The following EPHA5 variants were observed in gnomAD, a reference collection of about 807,000 sequenced individuals.
The protein encoded by EPHA5 is ephrin type-A receptor 5.
Under a neutral mutation model 105.0 loss-of-function variants are expected in EPHA5, and 60 were observed. The ratio of observed to expected loss-of-function variants is 0.57; its 90% CI spans 0.46 to 0.71. EPHA5 has a LOEUF of 0.71. Ranked by LOEUF, EPHA5 falls within the 30% of genes least tolerant of loss-of-function variation. EPHA5 has a pLI of 0.00. For missense variants in EPHA5, 1,218 were observed against 1,274.7 expected, an observed-to-expected ratio of 0.96 and a Z score of 0.68; for synonymous variants, 513 against 449.1, an observed-to-expected ratio of 1.14 and a Z score of -1.80.
intron 5 of EPHA5, among the ~76,000 whole-genome samples, chr4:65,482,650 A>G (rs1346108897): frequency 6.6e-6 from 1 of 152,148 alleles, no homozygotes; most frequent in East Asian, 1.9e-4. Flanking sequence ...GAAGAAAAAA[A>G]TCTAAATTTA....
chr4:65,373,351 G>T (rs1401635372), intron 8 of EPHA5, among the ~76,000 whole-genome samples: 1 of 151,822 alleles, frequency 6.6e-6, no homozygotes, highest in Non-Finnish European at 1.5e-5. Context: ...ATTACAAAGG[G>T]ATGGCTTTAT....
intron 8 of EPHA5, among the ~76,000 whole-genome samples, chr4:65,401,236 GT>G (rs1182005611): frequency 5.3e-5 from 8 of 151,926 alleles, no homozygotes; most frequent in Admixed American, 4.6e-4. Flanking sequence ...TCTTCATTTA[GT>G]TTTCCATTTA....
chr4:65,532,620 C>A (rs561017309), intron 3 of EPHA5, among the ~76,000 whole-genome samples: 49 of 111,500 alleles, frequency 4.4e-4, no homozygotes, highest in Admixed American at 7.9e-4. Context: ...TTTTTTTTTA[C>A]TTTCAACTCC....
chr4:65,574,731 C>CAT (rs201831887), intron 3 of EPHA5, among the ~76,000 whole-genome samples: 2 of 85,600 alleles, frequency 2.3e-5, no homozygotes, highest in Admixed American at 1.4e-4. Flanking sequence ...CATATATATA[C>CAT]ATATATATAT....
At chr4:65,378,919 T>C (rs1162548985) in intron 8 of EPHA5, among the ~76,000 whole-genome samples, 2 of 151,994 alleles carry the variant, frequency 1.3e-5, no homozygotes, top group Middle Eastern at 3.4e-3. Context: ...GTAGAAAGCC[T>C]GCAGATATGG....
At chr4:65,352,684 G>T (rs1466595324) in intron 12 of EPHA5, among the ~76,000 whole-genome samples, 2 of 151,796 alleles carry the variant, frequency 1.3e-5, no homozygotes, top group African/African-American at 4.8e-5. Flanking sequence ...TACACTAAGA[G>T]AAAATCGAAC....
intron 1 of EPHA5, among the ~76,000 whole-genome samples, chr4:65,655,629 A>G (rs986616768): frequency 6.6e-6 from 1 of 152,174 alleles, no homozygotes; most frequent in Non-Finnish European, 1.5e-5. Context: ...GTTCTAAGCA[A>G]GGGTTCTTTA....
At chr4:65,340,931 AT>A (rs1721650877) in intron 14 of EPHA5, among the ~76,000 whole-genome samples, 2 of 152,096 alleles carry the variant, frequency 1.3e-5, no homozygotes, top group South Asian at 4.1e-4. Context: ...GGCAAGGATA[AT>A]AAGACTCCTT....
At chr4:65,378,984 T>C (rs1009861511) in intron 8 of EPHA5, among the ~76,000 whole-genome samples, 2 of 151,980 alleles carry the variant, frequency 1.3e-5, no homozygotes, top group African/African-American at 4.8e-5. Context: ...TTACTGGTTG[T>C]TAACAAATGT....
intron 16 of EPHA5, chr4:65,331,209 T>A: frequency 2.9e-6 from 3 of 1,031,310 alleles, no homozygotes; most frequent in Non-Finnish European, 3.5e-6. Context: ...GTTAATGTAA[T>A]CTAGATGGAA....
chr4:65,481,093 A>C (rs1357746549), intron 5 of EPHA5, among the ~76,000 whole-genome samples: 1 of 152,144 alleles, frequency 6.6e-6, no homozygotes, highest in African/African-American at 2.4e-5. Context: ...TGGTGACTCA[A>C]ATTCCACCAT....
At chr4:65,543,251 G>A (rs1415136183) in intron 3 of EPHA5, among the ~76,000 whole-genome samples, 3 of 152,042 alleles carry the variant, frequency 2.0e-5, no homozygotes, top group Middle Eastern at 3.4e-3. Context: ...GAAATAAAGT[G>A]TATTCAGACA....
chr4:65,573,490 C>G, intron 3 of EPHA5: 1 of 1,539,418 alleles, frequency 6.5e-7, no homozygotes, highest in Non-Finnish European at 8.7e-7. Context: ...AAGCCAGATA[C>G]TAAAGAGAAG....
intron 3 of EPHA5, among the ~76,000 whole-genome samples, chr4:65,596,959 T>A (rs1743253941): frequency 6.6e-6 from 1 of 152,182 alleles, no homozygotes; most frequent in Admixed American, 6.5e-5. Flanking sequence ...ATCATAAATA[T>A]GCACCAGAAG....
At chr4:65,475,115 T>C (rs1729664435) in intron 5 of EPHA5, among the ~76,000 whole-genome samples, 1 of 152,180 alleles carries the variant, frequency 6.6e-6, no homozygotes, top group African/African-American at 2.4e-5. Context: ...TTGATGCTAT[T>C]ACTATTGAGT....
At chr4:65,639,348 G>A (rs913734340) in intron 2 of EPHA5, among the ~76,000 whole-genome samples, 2 of 152,190 alleles carry the variant, frequency 1.3e-5, no homozygotes, top group Admixed American at 6.5e-5. Context: ...TTGAAAGGCA[G>A]TTTTCCTGGA....
chr4:65,489,420 G>A (rs1731198280), intron 5 of EPHA5, among the ~76,000 whole-genome samples: 1 of 152,154 alleles, frequency 6.6e-6, no homozygotes, highest in Non-Finnish European at 1.5e-5. Flanking sequence ...TGGCAAGGAT[G>A]TGCTCAGTGA....
chr4:65,338,928 G>A (rs1051606145), intron 14 of EPHA5, among the ~76,000 whole-genome samples: 6 of 151,996 alleles, frequency 3.9e-5, no homozygotes, highest in South Asian at 2.1e-4. Flanking sequence ...TTATAATCTC[G>A]ATGGACTTTC....
At chr4:65,530,767 T>C (rs1466713720) in intron 3 of EPHA5, among the ~76,000 whole-genome samples, 2 of 152,138 alleles carry the variant, frequency 1.3e-5, no homozygotes, top group Non-Finnish European at 1.5e-5. Flanking sequence ...TGGATAATAG[T>C]ACTATGGTGA....
Sources: allele counts gnomAD v4.1 joint callset (sites outside exome capture counted in the v4.1 genomes callset), GRCh38; gene constraint gnomAD v4.1.1; transcripts MANE v1.5; gene names NCBI Gene and HGNC (gene_info 2026-07-23, HGNC 2026-07-21).